AFMID: variants seen among roughly 807,000 people sequenced by gnomAD.
AFMID encodes the protein kynurenine formamidase.
AFMID carries 39 observed loss-of-function variants against 47.5 expected under a neutral mutation model. That is an observed-to-expected ratio of 0.82 (90% CI 0.64 to 1.07). The LOEUF is 1.07. AFMID is among the 50% of genes least tolerant of loss of function. The pLI is 0.00. For synonymous variants in AFMID, 130 were observed against 153.2 expected, an observed-to-expected ratio of 0.85 and a Z score of 1.12; for missense variants, 375 against 387.5, an observed-to-expected ratio of 0.97 and a Z score of 0.27.
intron 2 of AFMID, among the ~76,000 whole-genome samples, chr17:78,194,781 G>T (rs141621806): frequency 6.6e-6 from 1 of 151,702 alleles, no homozygotes; most frequent in Admixed American, 6.6e-5. Context: ...CGCAACCTCC[G>T]CCTCCCAGGT....
chr17:78,194,967 T>G (rs1297184137), intron 2 of AFMID, among the ~76,000 whole-genome samples: 2 of 152,160 alleles, frequency 1.3e-5, no homozygotes, highest in Non-Finnish European at 2.9e-5. Flanking sequence ...GTGCTGGGAT[T>G]ACAGGCGTGA....
chr17:78,207,408 T>C lies in AFMID; in HGVS notation c.*471T>C, dbSNP rs149666228. ...AAGCAATTCTCCTGCCTCAGCCTCC[T>C]GAGCAGCTGGGACTACAGGCGCCTG... is the stretch of plus-strand genomic sequence containing the variant. On this transcript the variant is annotated 3_prime_UTR_variant, in exon 11 of 11. Transcript: ENST00000409257. 0.056 allele frequency: 8,781 copies of C among 156,130 alleles called. 267 individuals carry two copies. The highest frequency in any genetic ancestry group is 0.064 in the African/African-American group (2,531 of 39,772). The allele number at this position is 156,130 out of a possible 1,614,324, so 9.7% of individuals were successfully genotyped here. A position where few individuals can be genotyped will look rare whatever the true frequency, so the allele number is the denominator to read the frequency against.
At chr17:78,192,905 A>G (rs1311265973) in intron 2 of AFMID, 2 of 270,734 alleles carry the variant, frequency 7.4e-6, no homozygotes. Flanking sequence ...GAGAGAACCC[A>G]GGAGGAGGAA....
intron 1 of AFMID, among the ~76,000 whole-genome samples, chr17:78,188,143 G>A (rs73999671): frequency 6.6e-6 from 1 of 151,416 alleles, no homozygotes; most frequent in Non-Finnish European, 1.5e-5. Flanking sequence ...CATACAGGCC[G>A]GGTGCGGTGG....
intron 1 of AFMID, among the ~76,000 whole-genome samples, chr17:78,189,982 T>TCAC (rs1435562247): frequency 1.3e-5 from 2 of 151,100 alleles, no homozygotes; most frequent in African/African-American, 4.9e-5. Flanking sequence ...CAGGCGCGCG[T>TCAC]CACCATGCCT....
intron 5 of AFMID, 35 bp from the exon 6 acceptor site, chr17:78,204,793 G>A: frequency 6.2e-7 from 1 of 1,614,198 alleles, no homozygotes; most frequent in Non-Finnish European, 8.5e-7. Flanking sequence ...TTAGGAGGAA[G>A]TGCATCCCTG....
chr17:78,195,950 A>G (rs966088007), intron 2 of AFMID, among the ~76,000 whole-genome samples: 5 of 151,964 alleles, frequency 3.3e-5, no homozygotes, highest in African/African-American at 9.7e-5. Context: ...GGTTCACGCC[A>G]TTCTCCTGCC....
At chr17:78,205,803 C>G (rs1478249074) in intron 9 of AFMID, 65 bp downstream of exon 9, 1 of 1,600,950 alleles carries the variant, frequency 6.2e-7, no homozygotes, top group East Asian at 2.2e-5. Context: ...TTTCCTCTTT[C>G]TTTTACCCAA....
At chr17:78,205,069 G>A in intron 6 of AFMID, 24 bp from the exon 7 acceptor site, 1 of 1,596,160 alleles carries the variant, frequency 6.3e-7, no homozygotes. Context: ...TGCAAATCCA[G>A]CTCTCTGCTC....
rs1215048228 is a variant in AFMID at position 78,187,392 on chromosome 17, G to T, written c.22G>T (p.Gly8Cys). The change falls in exon 1 of 11, where the codon GGT (glycine) becomes TGT (cysteine). Residue 8 changes from glycine (G) to cysteine (C), a missense_variant. Transcript: ENST00000409257. ...CGCCATGATGGATGTGTCTGGTGTG[G>T]GTTTCCCAAGCAAGGTTCCTTGGAA... is the stretch of plus-strand genomic sequence containing the variant. MMDVSGV[G>C]FPSKVPWKKM... 1.2e-6 allele frequency: 2 copies of T among 1,613,992 alleles called. No homozygotes were observed. The highest frequency in any genetic ancestry group is 3.3e-5 in the Admixed American group (2 of 60,020).
At chr17:78,189,042 C>A (rs2075887691) in intron 1 of AFMID, among the ~76,000 whole-genome samples, 2 of 150,774 alleles carry the variant, frequency 1.3e-5, no homozygotes, top group Non-Finnish European at 3.0e-5. Context: ...TGGATAGATA[C>A]CTTCTACCAG....
At chr17:78,198,846 A>C (rs928732127) in intron 2 of AFMID, among the ~76,000 whole-genome samples, 1 of 152,106 alleles carries the variant, frequency 6.6e-6, no homozygotes, top group South Asian at 2.1e-4. Context: ...CCAAAACCAC[A>C]CAAGGCTTTT....
chr17:78,199,392 T>TG lies in AFMID; in HGVS notation c.155-3107_155-3106insG, dbSNP rs2076192861. Among the ~76,000 whole-genome samples, 3 of 152,008 alleles carry TG rather than the reference T, an allele frequency of 2.0e-5. No individual in the cohort carries two copies. In the South Asian group the frequency reaches 6.3e-4, roughly 32 times the overall value. On this transcript the variant is annotated intron_variant, in intron 2 of 10. Transcript: ENST00000409257. Reference sequence around the variant, plus strand: ...TTGTTTTTTTTTTTCTTTTCTTTTTTTTTGAGACAGTCTTGCTCTATTGCC... The same window carrying TG: ...TTGTTTTTTTTTTTCTTTTCTTTTTTGTTTGAGACAGTCTTGCTCTATTGCC...
chr17:78,197,301 C>G, intron 2 of AFMID: 1 of 1,251,058 alleles, frequency 8.0e-7, no homozygotes, highest in African/African-American at 1.5e-5. Flanking sequence ...ACAAATGCGT[C>G]TGCCTTTTGA....
intron 4 of AFMID, 91 bp from the exon 5 acceptor site, chr17:78,204,565 A>G (rs940182420): frequency 7.9e-7 from 1 of 1,258,928 alleles, no homozygotes; most frequent in South Asian, 1.2e-5. Context: ...CTGTGCGTGG[A>G]CAGGACATCT....
At chr17:78,204,200 A>T (rs551923944) in intron 4 of AFMID, among the ~76,000 whole-genome samples, 1 of 152,174 alleles carries the variant, frequency 6.6e-6, no homozygotes, top group African/African-American at 2.4e-5. Flanking sequence ...CACACCTATA[A>T]TCCCACACAT....
At chr17:78,200,809 C>G (rs79142751) in intron 2 of AFMID, among the ~76,000 whole-genome samples, 8,514 of 152,244 alleles carry the variant, frequency 0.056, 251 homozygotes, top group African/African-American at 0.066. Context: ...TTTGTTACAG[C>G]TGCCCTGGTA....
chr17:78,187,472 G>A, intron 1 of AFMID, 39 bp downstream of exon 1: 2 of 1,609,812 alleles, frequency 1.2e-6, no homozygotes, highest in Non-Finnish European at 1.7e-6. Context: ...GGCTGGGGCG[G>A]AGTTAGCTCA....
chr17:78,188,739 T>G (rs1365780977), intron 1 of AFMID, among the ~76,000 whole-genome samples: 1 of 152,006 alleles, frequency 6.6e-6, no homozygotes, highest in Non-Finnish European at 1.5e-5. Flanking sequence ...TGGGACTACA[T>G]GCGCCCGCAA....
Sources: gnomAD v4.1 joint callset for allele counts (sites outside exome capture counted in the v4.1 genomes callset) on GRCh38, gnomAD v4.1.1 for gene constraint, MANE v1.5 for transcripts, NCBI Gene and HGNC (gene_info 2026-07-23, HGNC 2026-07-21) for gene names.